The following CNTNAP4 variants were observed in gnomAD, a reference collection of about 807,000 sequenced individuals.
The protein encoded by CNTNAP4 is contactin associated protein family member 4.
Under a neutral mutation model 148.4 loss-of-function variants are expected in CNTNAP4, and 98 were observed. The ratio of observed to expected loss-of-function variants is 0.66; its 90% confidence interval spans 0.56 to 0.78. CNTNAP4 has a LOEUF of 0.78. Among genes scored for constraint, CNTNAP4 ranks in the 30% least tolerant of loss-of-function variants. The pLI, the probability that CNTNAP4 is intolerant of heterozygous loss-of-function variation, is 0.00. For missense variants in CNTNAP4, 1,935 were observed against 1,565.6 expected, an observed-to-expected ratio of 1.24 and a Z score of -3.98; for synonymous variants, 730 against 565.1, an observed-to-expected ratio of 1.29 and a Z score of -4.14.
At chr16:76,494,694 T>C (rs2082338998) in intron 13 of CNTNAP4, among the ~76,000 whole-genome samples, 1 of 152,190 alleles carries the variant, frequency 6.6e-6, no homozygotes, top group African/African-American at 2.4e-5. Context: ...AACAAATGTA[T>C]TGGTCATTTA....
intron 2 of CNTNAP4, among the ~76,000 whole-genome samples, chr16:76,354,167 T>A (rs1345141924): frequency 6.6e-6 from 1 of 152,206 alleles, no homozygotes; most frequent in Non-Finnish European, 1.5e-5. Context: ...TTAGATAATA[T>A]GGATTCAAGA....
At chr16:76,504,273 G>C (rs1483364457) in intron 15 of CNTNAP4, among the ~76,000 whole-genome samples, 1 of 152,062 alleles carries the variant, frequency 6.6e-6, no homozygotes, top group African/African-American at 2.4e-5. Flanking sequence ...GAATAGAATA[G>C]AGAGCCCAAA....
intron 2 of CNTNAP4, among the ~76,000 whole-genome samples, chr16:76,325,879 G>A (rs1456556799): frequency 6.6e-6 from 1 of 151,886 alleles, no homozygotes; most frequent in East Asian, 1.9e-4. Context: ...GAATTTAAAT[G>A]AATTGAAAAA....
intron 3 of CNTNAP4, among the ~76,000 whole-genome samples, chr16:76,356,909 T>C (rs16944299): frequency 0.023 from 3,439 of 152,280 alleles, 121 homozygotes; most frequent in African/African-American, 0.073. Flanking sequence ...GTAAATTGAA[T>C]TGAGAGAAGT....
At chr16:76,402,451 TCTAG>T (rs2078452578) in intron 3 of CNTNAP4, among the ~76,000 whole-genome samples, 1 of 151,752 alleles carries the variant, frequency 6.6e-6, no homozygotes, top group South Asian at 2.1e-4. Context: ...TCTTTATTAA[TCTAG>T]CTAGCAACCT....
chr16:76,536,385 A>G (rs969570903), intron 18 of CNTNAP4, among the ~76,000 whole-genome samples: 1 of 151,906 alleles, frequency 6.6e-6, no homozygotes, highest in Non-Finnish European at 1.5e-5. Flanking sequence ...TAGTAGAGAT[A>G]GTGTTTCACC....
chr16:76,346,890 T>C (rs1331720654), intron 2 of CNTNAP4, among the ~76,000 whole-genome samples: 2 of 152,184 alleles, frequency 1.3e-5, no homozygotes, highest in Non-Finnish European at 2.9e-5. Context: ...AAATGTCCAG[T>C]CTGGCAATAC....
At chr16:76,293,177 T>C (rs1366638118) in intron 1 of CNTNAP4, among the ~76,000 whole-genome samples, 1 of 151,798 alleles carries the variant, frequency 6.6e-6, no homozygotes, top group Admixed American at 6.6e-5. Flanking sequence ...CAGGCTGGAG[T>C]GCAGTGGTGC....
chr16:76,327,415 T>C (rs1053834771), intron 2 of CNTNAP4, among the ~76,000 whole-genome samples: 1 of 152,352 alleles, frequency 6.6e-6, no homozygotes, highest in African/African-American at 2.4e-5. Flanking sequence ...TAGTATTCCA[T>C]GGTGTGTATA....
chr16:76,321,775 G>A (rs557713453), intron 2 of CNTNAP4, among the ~76,000 whole-genome samples: 18 of 131,094 alleles, frequency 1.4e-4, no homozygotes, highest in Middle Eastern at 4.7e-3. Flanking sequence ...GTGACAGAGC[G>A]TGACTCAGTC....
intron 1 of CNTNAP4, among the ~76,000 whole-genome samples, chr16:76,281,277 T>C (rs1958677324): frequency 6.6e-6 from 1 of 152,068 alleles, no homozygotes; most frequent in South Asian, 2.1e-4. Context: ...TAGAATGCAA[T>C]AGTAAAGTAC....
In CNTNAP4 at chr16:76,411,694, T is replaced by C. The variant is rs762511212; in HGVS notation, c.391-15758T>C. ...CTTAAAAAAATCTTCTATTTTTGCTTTTGGATAAATACATGCAAAATTTAA... is the reference window on the plus strand; with the variant it reads ...CTTAAAAAAATCTTCTATTTTTGCTCTTGGATAAATACATGCAAAATTTAA... On this transcript the variant is annotated intron_variant, in intron 3 of 23. Transcript: ENST00000611870. Among the ~76,000 whole-genome samples the C allele has an allele frequency of 1.7e-4, 26 of 151,466 alleles. 1 individual carries two copies. The highest frequency in any genetic ancestry group is 2.7e-4 in the Non-Finnish European group (18 of 67,550).
chr16:76,523,177 G>A (rs893352128), intron 17 of CNTNAP4, among the ~76,000 whole-genome samples: 3 of 151,870 alleles, frequency 2.0e-5, no homozygotes, highest in Admixed American at 1.3e-4. Flanking sequence ...CAGAATTGTT[G>A]AGGAAGCCTT....
intron 2 of CNTNAP4, among the ~76,000 whole-genome samples, chr16:76,322,356 A>G (rs923366990): frequency 2.6e-5 from 4 of 152,172 alleles, no homozygotes; most frequent in African/African-American, 9.7e-5. Context: ...CATCCCTAAC[A>G]GTCACAGAAC....
intron 3 of CNTNAP4, among the ~76,000 whole-genome samples, chr16:76,358,132 G>A (rs11864484): frequency 0.014 from 2,115 of 152,226 alleles, 66 homozygotes; most frequent in African/African-American, 0.048. Flanking sequence ...CCAGGAGTTC[G>A]AGACCAGCCT....
At chr16:76,310,636 G>A (rs377043154) in intron 1 of CNTNAP4, among the ~76,000 whole-genome samples, 3 of 152,098 alleles carry the variant, frequency 2.0e-5, no homozygotes, top group Non-Finnish European at 4.4e-5. Flanking sequence ...AACTATGTTT[G>A]CTACCTATTC....
chr16:76,332,884 C>G (rs1190809082), intron 2 of CNTNAP4, among the ~76,000 whole-genome samples: 1 of 152,126 alleles, frequency 6.6e-6, no homozygotes, highest in Non-Finnish European at 1.5e-5. Context: ...AGCGCTTGTA[C>G]ATAATGGAAA....
At chr16:76,380,557 G>T (rs1242948202) in intron 3 of CNTNAP4, among the ~76,000 whole-genome samples, 1 of 152,146 alleles carries the variant, frequency 6.6e-6, no homozygotes, top group Non-Finnish European at 1.5e-5. Context: ...TACTTGAATA[G>T]ATTCAAGCGA....
rs571566109 is a variant in CNTNAP4, at chr16:76,423,737, G to GA, written c.391-3709dup. ...CCAAAGCAGAATCTTGGTTATGTAT[G>GA]AAAAAATTTCAACAAGTGGAGCAAA... On this transcript the variant is annotated intron_variant, in intron 3 of 23. Coordinates refer to ENST00000611870, the MANE Select transcript of CNTNAP4 (RefSeq NM_033401.5). Among the ~76,000 whole-genome samples the GA allele has an allele frequency of 3.9e-5, 6 of 152,184 alleles. No homozygotes were observed. In the East Asian group the frequency reaches 1.2e-3, roughly 29 times the overall value.
Sources: gnomAD v4.1 joint callset for allele counts (sites outside exome capture counted in the v4.1 genomes callset) on GRCh38, gnomAD v4.1.1 for gene constraint, MANE v1.5 for transcripts, NCBI Gene and HGNC (gene_info 2026-07-23, HGNC 2026-07-21) for gene names.